PTPRD: variants seen among roughly 807,000 people sequenced by gnomAD.
PTPRD encodes protein tyrosine phosphatase receptor type D.
In PTPRD, 34 loss-of-function variants were observed where a neutral mutation model predicts 214.5. That is an observed-to-expected ratio of 0.16 (90% CI 0.12 to 0.21). PTPRD has a LOEUF of 0.21. Among genes scored for constraint, PTPRD ranks in the 10% least tolerant of loss-of-function variants. PTPRD has a pLI of 1.00. For synonymous variants in PTPRD, 1,128 were observed against 845.7 expected (o/e 1.33, Z -5.79); for missense variants, 2,545 against 2,398.7 (o/e 1.06, Z -1.27).
chr9:10,422,739 T>A (rs953259633), intron 2 of PTPRD, among the ~76,000 whole-genome samples: 4 of 151,932 alleles, frequency 2.6e-5, no homozygotes, highest in African/African-American at 9.7e-5. Context: ...GAAATGCAAA[T>A]CAAAACCACA....
intron 34 of PTPRD, among the ~76,000 whole-genome samples, chr9:8,438,180 T>C (rs2095423787): frequency 6.6e-6 from 1 of 152,206 alleles, no homozygotes; most frequent in African/African-American, 2.4e-5. Flanking sequence ...AAGAGCATTT[T>C]AGGAATTATA....
chr9:9,303,488 T>C (rs758944406), intron 9 of PTPRD, among the ~76,000 whole-genome samples: 1 of 152,050 alleles, frequency 6.6e-6, no homozygotes, highest in Non-Finnish European at 1.5e-5. Flanking sequence ...GTAATAACAA[T>C]AACTTTTCAG....
chr9:10,143,725 A>G (rs955263325), intron 3 of PTPRD, among the ~76,000 whole-genome samples: 2 of 152,156 alleles, frequency 1.3e-5, no homozygotes, highest in East Asian at 3.8e-4. Context: ...CTATGCAGCC[A>G]TAAAAAAATG....
At chr9:9,736,968 G>A (rs1253932873) in intron 6 of PTPRD, among the ~76,000 whole-genome samples, 1 of 151,766 alleles carries the variant, frequency 6.6e-6, no homozygotes, top group Non-Finnish European at 1.5e-5. Flanking sequence ...TTACTTATGT[G>A]TCCTGTTTAT....
intron 12 of PTPRD, among the ~76,000 whole-genome samples, chr9:8,643,725 C>T (rs186666897): frequency 6.6e-6 from 1 of 152,256 alleles, no homozygotes; most frequent in Admixed American, 6.5e-5. Flanking sequence ...AGACACCAGC[C>T]CCTTGCTGCC....
intron 8 of PTPRD, among the ~76,000 whole-genome samples, chr9:9,557,354 G>A (rs1423657423): frequency 6.6e-6 from 1 of 152,092 alleles, no homozygotes; most frequent in East Asian, 1.9e-4. Flanking sequence ...GTACCAATAA[G>A]ATACCGAACT....
At chr9:10,587,885 G>C (rs978550594) in intron 2 of PTPRD, among the ~76,000 whole-genome samples, 8 of 151,944 alleles carry the variant, frequency 5.3e-5, no homozygotes. Context: ...ATGGAAAGCT[G>C]AAAATAGGAC....
chr9:10,599,953 T>C (rs940180120), intron 2 of PTPRD, among the ~76,000 whole-genome samples: 1 of 151,758 alleles, frequency 6.6e-6, no homozygotes, highest in Non-Finnish European at 1.5e-5. Context: ...CTTTAGATGA[T>C]AGGAATATTT....
intron 43 of PTPRD, among the ~76,000 whole-genome samples, chr9:8,337,534 C>A (rs927705811): frequency 1.3e-5 from 2 of 151,940 alleles, no homozygotes; most frequent in African/African-American, 4.8e-5. Flanking sequence ...ACCACCGTGG[C>A]ACATGTATAA....
intron 3 of PTPRD, among the ~76,000 whole-genome samples, chr9:10,071,268 T>G (rs994642919): frequency 3.3e-5 from 5 of 152,020 alleles, no homozygotes; most frequent in African/African-American, 1.2e-4. Flanking sequence ...ATAACCTGAT[T>G]CTTGATTGTA....
intron 8 of PTPRD, among the ~76,000 whole-genome samples, chr9:9,521,207 A>G (rs1240135608): frequency 6.6e-6 from 1 of 152,124 alleles, no homozygotes. Context: ...CCATGTGTGT[A>G]CTGAACAAAG....
chr9:8,459,017 A>T (rs1331016064), intron 33 of PTPRD, among the ~76,000 whole-genome samples: 1 of 152,144 alleles, frequency 6.6e-6, no homozygotes, highest in Non-Finnish European at 1.5e-5. Context: ...ATGCTGGAAT[A>T]AAATGAAATG....
intron 4 of PTPRD, among the ~76,000 whole-genome samples, chr9:9,984,209 C>G (rs1245656670): frequency 1.3e-5 from 2 of 152,004 alleles, no homozygotes; most frequent in African/African-American, 4.8e-5. Flanking sequence ...TAGTCTGAGT[C>G]TGATCATGAG....
At chr9:9,091,716 G>C (rs1383419491) in intron 10 of PTPRD, among the ~76,000 whole-genome samples, 1 of 152,106 alleles carries the variant, frequency 6.6e-6, no homozygotes, top group Non-Finnish European at 1.5e-5. Context: ...CCAATCACAA[G>C]GAAACTAAAC....
intron 3 of PTPRD, among the ~76,000 whole-genome samples, chr9:10,248,964 C>A (rs188924337): frequency 2.3e-4 from 35 of 151,890 alleles, no homozygotes; most frequent in African/African-American, 8.4e-4. Flanking sequence ...CCTAAGGGGT[C>A]AGTAATACGT....
chr9:9,924,725 G>A (rs1255202657), intron 5 of PTPRD, among the ~76,000 whole-genome samples: 3 of 151,964 alleles, frequency 2.0e-5, no homozygotes, highest in South Asian at 2.1e-4. Flanking sequence ...ATTGTCCTTC[G>A]TATCTCTAAA....
intron 6 of PTPRD, among the ~76,000 whole-genome samples, chr9:9,749,729 G>C (rs1225071056): frequency 6.6e-6 from 1 of 152,138 alleles, no homozygotes; most frequent in Non-Finnish European, 1.5e-5. Flanking sequence ...TATATTAAGA[G>C]TCTGACAGTT....
rs1233210564 is a variant in PTPRD, at chr9:10,274,268, G to A, written c.-545+66695C>T. On this transcript the variant is annotated intron_variant, in intron 3 of 45. Transcript: ENST00000381196. ...AATAACTTTTGTATGTGACATTGGG[G>A]AGAAATGAAAACAGATTGACTTGCT... Among the ~76,000 whole-genome samples, 3 of 152,120 alleles carry A rather than the reference G, an allele frequency of 2.0e-5. No individual in the cohort carries two copies. The East Asian group carries it at 5.8e-4, about 29-fold the overall frequency.
intron 14 of PTPRD, among the ~76,000 whole-genome samples, chr9:8,594,201 G>T (rs376765017): frequency 6.6e-6 from 1 of 152,090 alleles, no homozygotes; most frequent in Non-Finnish European, 1.5e-5. Flanking sequence ...CCCACTCCAT[G>T]ACACTCAATT....
Sources: gnomAD v4.1 joint callset for allele counts (sites outside exome capture counted in the v4.1 genomes callset) on GRCh38, gnomAD v4.1.1 for gene constraint, MANE v1.5 for transcripts, NCBI Gene and HGNC (gene_info 2026-07-23, HGNC 2026-07-21) for gene names.